LDLRAD4: variants seen among roughly 807,000 people sequenced by gnomAD.
LDLRAD4 encodes low-density lipoprotein receptor class A domain-containing protein 4.
A neutral mutation model predicts 17.0 loss-of-function variants in LDLRAD4; 5 were observed. The ratio of observed to expected loss-of-function variants is 0.29; its 90% CI spans 0.15 to 0.62. LDLRAD4 has a LOEUF of 0.62. Among genes scored for constraint, LDLRAD4 ranks in the 20% least tolerant of loss-of-function variants. LDLRAD4 has a pLI of 0.84. For synonymous variants in LDLRAD4, 168 were observed against 171.8 expected, an observed-to-expected ratio of 0.98 and a Z score of 0.17; for missense variants, 340 against 424.7, an observed-to-expected ratio of 0.80 and a Z score of 1.75.
At chr18:13,569,974 A>G (rs1032701132) in intron 3 of LDLRAD4, among the ~76,000 whole-genome samples, 1 of 152,204 alleles carries the variant, frequency 6.6e-6, no homozygotes, top group Non-Finnish European at 1.5e-5. Context: ...AAAAGTATGC[A>G]TGGGGAAGCA....
At chr18:13,599,791 G>A (rs943950028) in intron 3 of LDLRAD4, among the ~76,000 whole-genome samples, 17 of 152,034 alleles carry the variant, frequency 1.1e-4, no homozygotes, top group Admixed American at 3.3e-4. Context: ...GCACCCGGCC[G>A]TGAGTCTCCT....
chr18:13,451,891 A>G (rs2091857414), intron 3 of LDLRAD4, among the ~76,000 whole-genome samples: 1 of 152,238 alleles, frequency 6.6e-6, no homozygotes, highest in South Asian at 2.1e-4. Flanking sequence ...GGATTTCAAC[A>G]TATGACTTTG....
intron 3 of LDLRAD4, among the ~76,000 whole-genome samples, chr18:13,455,242 G>A (rs1385151525): frequency 1.3e-5 from 2 of 152,168 alleles, no homozygotes; most frequent in Admixed American, 6.5e-5. Flanking sequence ...AGGCTTTTTG[G>A]GGGCTTATGC....
chr18:13,596,701 A>T (rs1284446), intron 3 of LDLRAD4, among the ~76,000 whole-genome samples: 1 of 151,984 alleles, frequency 6.6e-6, no homozygotes, highest in Non-Finnish European at 1.5e-5. Context: ...AAGAGATGAG[A>T]ACAAGCATCT....
chr18:13,360,217 G>A (rs1223539147), intron 1 of LDLRAD4, among the ~76,000 whole-genome samples: 1 of 152,118 alleles, frequency 6.6e-6, no homozygotes, highest in Non-Finnish European at 1.5e-5. Context: ...CATCATTGGA[G>A]GGAAAAAACA....
At chr18:13,457,808 G>A (rs1171761929) in intron 3 of LDLRAD4, among the ~76,000 whole-genome samples, 1 of 152,208 alleles carries the variant, frequency 6.6e-6, no homozygotes, top group East Asian at 1.9e-4. Flanking sequence ...GCTCCCCTGT[G>A]CAGTGTGCTT....
intron 3 of LDLRAD4, among the ~76,000 whole-genome samples, chr18:13,527,370 G>A (rs935057522): frequency 6.6e-6 from 1 of 152,218 alleles, no homozygotes; most frequent in African/African-American, 2.4e-5. Flanking sequence ...TATAGGAGGC[G>A]GGCCTCCAGG....
intron 3 of LDLRAD4, among the ~76,000 whole-genome samples, chr18:13,525,062 C>T (rs372779757): frequency 2.6e-5 from 4 of 152,138 alleles, no homozygotes; most frequent in Non-Finnish European, 4.4e-5. Context: ...TGCGTGCTTG[C>T]GGGCAGGCAC....
chr18:13,522,853 T>A (rs2147685091), intron 3 of LDLRAD4: 1 of 152,570 alleles, frequency 6.6e-6, no homozygotes, highest in Non-Finnish European at 1.5e-5. Flanking sequence ...AAATATTTGA[T>A]AGTGTTATCT....
rs191072920 is a variant in LDLRAD4, at chr18:13,307,794, A to T, written c.-383+29606A>T. Among the ~76,000 whole-genome samples the T allele has an allele frequency of 1.7e-3, 256 of 152,358 alleles. 2 individuals carry two copies. Among genetic ancestry groups the T allele is most frequent in the African/African-American group, 5.9e-3 (247 of 41,586 alleles). ...AATACTGTAAGTATATGCATAATAC[A>T]TATAACATTGAAAATGTGTGTTAAT... On this transcript the variant is annotated intron_variant, in intron 1 of 5. Coordinates refer to ENST00000359446, the Ensembl canonical transcript of LDLRAD4.
intron 2 of LDLRAD4, among the ~76,000 whole-genome samples, chr18:13,414,855 A>G (rs2088727303): frequency 6.6e-6 from 1 of 152,232 alleles, no homozygotes. Context: ...TGCCAAGCGA[A>G]GTATTAAAAC....
chr18:13,548,362 C>T lies in LDLRAD4; in HGVS notation c.182-72755C>T, dbSNP rs534089173. ...CTGCTGCTGTTCATGGCATTCATGGCGCCCAGGCTGTTGGTGCCAAGGGGT... is the reference window on the plus strand; with the variant it reads ...CTGCTGCTGTTCATGGCATTCATGGTGCCCAGGCTGTTGGTGCCAAGGGGT... On this transcript the variant is annotated intron_variant, in intron 3 of 5. Coordinates refer to ENST00000359446, the Ensembl canonical transcript of LDLRAD4. Among the ~76,000 whole-genome samples the T allele has an allele frequency of 1.2e-3, 185 of 152,322 alleles. No homozygotes were observed. The Middle Eastern group carries it at 0.017, about 14-fold the overall frequency.
chr18:13,222,224 G>A (rs912061328), intron 1 of LDLRAD4, among the ~76,000 whole-genome samples: 1 of 151,966 alleles, frequency 6.6e-6, no homozygotes, highest in African/African-American at 2.4e-5. Flanking sequence ...ACTTGGCATC[G>A]GAAAAATGTC....
chr18:13,642,870 C>T lies in LDLRAD4; in HGVS notation c.337-489C>T, dbSNP rs2042703154. On this transcript the variant is annotated intron_variant, in intron 4 of 5. Transcript: ENST00000359446. ...TGTAGACAAGAGGTCTGAAAAGGGA[C>T]GGGCTCTTTCTCGCTCCACGTTTTT... 9.5e-6 allele frequency: 5 copies of T among 526,848 alleles called. 1 individual carries two copies. Among genetic ancestry groups the T allele is most frequent in the South Asian group, 9.9e-5 (1 of 10,100 alleles). 32.6% of individuals were successfully genotyped at this position (526,848 alleles called of 1,614,324 possible).
chr18:13,395,597 CGTGGGGGCGGGAGT>C (rs2086609446), intron 2 of LDLRAD4, among the ~76,000 whole-genome samples: 1 of 53,740 alleles, frequency 1.9e-5, no homozygotes, highest in Non-Finnish European at 3.4e-5. Flanking sequence ...CGGGAGTTGG[CGTGGGGGCGGGAGT>C]TGGCGTGGGG....
At chr18:13,625,406 C>T (rs1193728615) in intron 4 of LDLRAD4, among the ~76,000 whole-genome samples, 2 of 152,166 alleles carry the variant, frequency 1.3e-5, no homozygotes, top group African/African-American at 4.8e-5. Context: ...AGCAGCCTTA[C>T]TTGGCTGAGG....
intron 3 of LDLRAD4, among the ~76,000 whole-genome samples, chr18:13,456,338 C>T (rs936577699): frequency 4.6e-5 from 7 of 152,186 alleles, no homozygotes; most frequent in African/African-American, 9.7e-5. Flanking sequence ...CCTTCCTGAC[C>T]GGGGTGCCCT....
At chr18:13,340,714 T>C (rs2144041931) in intron 1 of LDLRAD4, among the ~76,000 whole-genome samples, 1 of 152,326 alleles carries the variant, frequency 6.6e-6, no homozygotes, top group Admixed American at 6.5e-5. Context: ...CTTTGGATGC[T>C]CAAAATTACT....
chr18:13,271,303 C>T (rs541735114), intron 1 of LDLRAD4, among the ~76,000 whole-genome samples: 8 of 152,240 alleles, frequency 5.3e-5, no homozygotes, highest in Non-Finnish European at 7.3e-5. Flanking sequence ...CTGATGTAGA[C>T]GACTGTAGGA....
Sources: gnomAD v4.1 joint callset for allele counts (sites outside exome capture counted in the v4.1 genomes callset) on GRCh38, gnomAD v4.1.1 for gene constraint, MANE v1.5 for transcripts, NCBI Gene and HGNC (gene_info 2026-07-23, HGNC 2026-07-21) for gene names.